Variants in CACNA1C observed in about 807,000 individuals in gnomAD.
The protein encoded by CACNA1C is calcium voltage-gated channel subunit alpha1 C.
A neutral mutation model predicts 229.0 loss-of-function variants in CACNA1C; 30 were observed. The observed-to-expected ratio is 0.13, with a 90% CI of 0.10 to 0.18. The LOEUF is 0.18. Ranked by LOEUF, CACNA1C falls within the 10% of genes least tolerant of loss-of-function variation. The pLI, the probability that CACNA1C is intolerant of heterozygous loss-of-function variation, is 1.00. For synonymous variants in CACNA1C, 1,114 were observed against 1,132.5 expected, an observed-to-expected ratio of 0.98 and a Z score of 0.33; for missense variants, 1,658 against 2,845.0, an observed-to-expected ratio of 0.58 and a Z score of 9.49.
Position 2,106,621 on chromosome 12 carries a change from A to G in CACNA1C, c.50-8603A>G, listed in dbSNP as rs71435031. On this transcript the variant is annotated intron_variant, in intron 1 of 46. Coordinates refer to ENST00000399655, the MANE Select transcript of CACNA1C (RefSeq NM_000719.7). ...GAGAGGGTTTCCACCTCAGCTGGGC[A>G]TCCTGAAGCCACTGGGCGCCCACCC... is the stretch of plus-strand genomic sequence containing the variant. 3.3e-3 allele frequency among the ~76,000 whole-genome samples: 193 copies of G among 58,394 alleles called. 2 individuals are homozygous for G. Among genetic ancestry groups the G allele is most frequent in the African/African-American group, 9.5e-3 (141 of 14,772 alleles). The allele number at this position is 58,394 out of a possible 152,430, so 38.3% of individuals were successfully genotyped here.
chr12:2,014,175 C>CCCCAAACATAA (rs2044918309), intron 1 of CACNA1C, among the ~76,000 whole-genome samples: 7 of 152,148 alleles, frequency 4.6e-5, no homozygotes, highest in Non-Finnish European at 8.8e-5. Context: ...TATTTATAAA[C>CCCCAAACATAA]AACCCCAAAC....
intron 4 of CACNA1C, among the ~76,000 whole-genome samples, chr12:2,451,875 T>C (rs988855940): frequency 1.3e-5 from 2 of 152,236 alleles, no homozygotes; most frequent in African/African-American, 2.4e-5. Flanking sequence ...GGTCTTGCAC[T>C]GGGACATATT....
chr12:2,221,836 A>G (rs1020760521), intron 3 of CACNA1C: 1 of 152,224 alleles, frequency 6.6e-6, no homozygotes, highest in Non-Finnish European at 1.5e-5. Context: ...GGATGCGTCC[A>G]TATGATGGAA....
In CACNA1C at chr12:2,306,191, G is replaced by T. The variant is rs563991807; in HGVS notation, c.478-142785G>T. On this transcript the variant is annotated intron_variant, in intron 3 of 46. Transcript: ENST00000399655. Reference sequence around the variant, plus strand: ...TGACAGCCTGCTAGGATGTGAAGGGGACATTGGATACTTCCGGAAGCTGTG... The same window carrying T: ...TGACAGCCTGCTAGGATGTGAAGGGTACATTGGATACTTCCGGAAGCTGTG... Among the ~76,000 whole-genome samples, 4 of 152,354 alleles carry T rather than the reference G, an allele frequency of 2.6e-5. No individual in the cohort carries two copies. The East Asian group carries it at 7.7e-4, about 29-fold the overall frequency.
upstream of CACNA1C, among the ~76,000 whole-genome samples, chr12:2,052,545 G>A (rs892205364): frequency 5.3e-5 from 8 of 149,756 alleles, no homozygotes; most frequent in African/African-American, 2.0e-4. Context: ...GAGAACGCGG[G>A]CGGGGGGCTG....
At chr12:2,149,716 C>T (rs1467512165) in intron 3 of CACNA1C, among the ~76,000 whole-genome samples, 1 of 152,084 alleles carries the variant, frequency 6.6e-6, no homozygotes, top group Non-Finnish European at 1.5e-5. Flanking sequence ...AAGGTGGGAC[C>T]CAAATTTAAG....
At chr12:2,033,341 C>G (rs975627662) in intron 1 of CACNA1C, among the ~76,000 whole-genome samples, 1 of 152,160 alleles carries the variant, frequency 6.6e-6, no homozygotes, top group African/African-American at 2.4e-5. Flanking sequence ...GCCTGCAAGT[C>G]TATCCTGGGA....
intron 1 of CACNA1C, among the ~76,000 whole-genome samples, chr12:1,977,735 C>T (rs1284246596): frequency 6.6e-6 from 1 of 152,056 alleles, no homozygotes. Flanking sequence ...GCAGAGAAAA[C>T]GTTTTACAAA....
chr12:2,219,223 C>T (rs1321855166), intron 3 of CACNA1C, among the ~76,000 whole-genome samples: 3 of 152,206 alleles, frequency 2.0e-5, no homozygotes, highest in Non-Finnish European at 2.9e-5. Context: ...GCTAACTGGC[C>T]ATGCAGGGAT....
chr12:2,432,461 G>T (rs1421465175), intron 3 of CACNA1C, among the ~76,000 whole-genome samples: 1 of 152,176 alleles, frequency 6.6e-6, no homozygotes, highest in African/African-American at 2.4e-5. Flanking sequence ...CTGACCTGGG[G>T]AAAGGGACTT....
chr12:2,463,044 C>A (rs2099523820), intron 5 of CACNA1C, among the ~76,000 whole-genome samples: 1 of 151,278 alleles, frequency 6.6e-6, no homozygotes, highest in East Asian at 2.0e-4. Flanking sequence ...TCCCGAGTAG[C>A]TGGGACTATA....
chr12:2,377,229 TG>T (rs1432873956), intron 3 of CACNA1C, among the ~76,000 whole-genome samples: 1 of 152,186 alleles, frequency 6.6e-6, no homozygotes, highest in Non-Finnish European at 1.5e-5. Context: ...TGAGCAGGGC[TG>T]TGTGTGGCCT....
At chr12:2,592,085 A>C (rs2153319103) in intron 18 of CACNA1C, among the ~76,000 whole-genome samples, 1 of 152,368 alleles carries the variant, frequency 6.6e-6, no homozygotes, top group African/African-American at 2.4e-5. Context: ...AGTTCTAGGT[A>C]GGCATGAGTT....
At chr12:2,250,997 T>G (rs1324316469) in intron 3 of CACNA1C, among the ~76,000 whole-genome samples, 4 of 152,182 alleles carry the variant, frequency 2.6e-5, no homozygotes, top group Admixed American at 6.5e-5. Context: ...ACTTCCAGCA[T>G]GACGCAGAAG....
intron 3 of CACNA1C, among the ~76,000 whole-genome samples, chr12:2,142,169 C>T (rs1049702813): frequency 6.6e-6 from 1 of 151,256 alleles, no homozygotes; most frequent in African/African-American, 2.4e-5. Flanking sequence ...ACGTCACCTC[C>T]CACCATCTCC....
intron 1 of CACNA1C, among the ~76,000 whole-genome samples, chr12:2,020,961 T>C (rs1046682213): frequency 1.3e-5 from 2 of 152,150 alleles, no homozygotes; most frequent in Admixed American, 6.5e-5. Flanking sequence ...AGGAACTGAC[T>C]TCTTGGGGCC....
At chr12:1,996,436 T>C (rs1003959098) in intron 1 of CACNA1C, among the ~76,000 whole-genome samples, 11 of 151,864 alleles carry the variant, frequency 7.2e-5, no homozygotes, top group African/African-American at 2.2e-4. Context: ...ATTCTTCCTG[T>C]TGAGACTGCC....
intron 3 of CACNA1C, among the ~76,000 whole-genome samples, chr12:2,356,030 C>T (rs1468510074): frequency 2.6e-5 from 4 of 152,220 alleles, no homozygotes; most frequent in Non-Finnish European, 5.9e-5. Context: ...TAGTTGGACA[C>T]TCAATAAATG....
At chr12:2,576,423 C>A (rs2058414616) in intron 13 of CACNA1C, among the ~76,000 whole-genome samples, 1 of 152,156 alleles carries the variant, frequency 6.6e-6, no homozygotes, top group African/African-American at 2.4e-5. Context: ...GAGAGTGCTT[C>A]ATTTTTATGC....
Sources: gnomAD v4.1 joint callset for allele counts (sites outside exome capture counted in the v4.1 genomes callset) on GRCh38, gnomAD v4.1.1 for gene constraint, MANE v1.5 for transcripts, NCBI Gene and HGNC (gene_info 2026-07-23, HGNC 2026-07-21) for gene names.